ESYT1: variants seen among roughly 807,000 people sequenced by gnomAD.
ESYT1 encodes the protein extended synaptotagmin 1.
ESYT1 carries 116 observed loss-of-function variants against 154.2 expected under a neutral mutation model. That is an observed-to-expected ratio of 0.75 (90% CI 0.65 to 0.88). ESYT1 has a LOEUF of 0.88. Among genes scored for constraint, ESYT1 ranks in the 40% least tolerant of loss-of-function variants. ESYT1 has a pLI of 0.00. For missense variants in ESYT1, 1,264 were observed against 1,379.3 expected (o/e 0.92, Z 1.32); for synonymous variants, 500 against 539.9 (o/e 0.93, Z 1.02).
In ESYT1 at chr12:56,130,901, T is replaced by C; in HGVS notation, c.543T>C (p.Phe181=). ...ACCCCCATCTGCAAACATTTACATT[T>C]ACACGAGTGGAACTGGGTGAAAAGG... is the stretch of plus-strand genomic sequence containing the variant. ...GSNPHLQTFT[F]TRVELGEKPL... is the part of the protein sequence containing the mutation. The change falls in exon 3 of 31, where the codon TTT becomes TTC. Residue 181 remains phenylalanine (F), a synonymous_variant. Coordinates refer to ENST00000394048, the MANE Select transcript of ESYT1 (RefSeq NM_015292.3). 3 of 1,614,200 alleles carry C rather than the reference T, an allele frequency of 1.9e-6. No individual in the cohort carries two copies. The highest frequency in any genetic ancestry group is 2.5e-6 in the Non-Finnish European group (3 of 1,180,030).
At chr12:56,136,060 CAAAA>C (rs72370981) in intron 15 of ESYT1, among the ~76,000 whole-genome samples, 5 of 45,756 alleles carry the variant, frequency 1.1e-4, no homozygotes, top group Non-Finnish European at 1.9e-4. Flanking sequence ...ACTCTGTCTC[CAAAA>C]AAAAAAAAAA....
At chr12:56,132,159 G>T in intron 7 of ESYT1, 50 bp from the exon 8 acceptor site, 1 of 1,613,592 alleles carries the variant, frequency 6.2e-7, no homozygotes, top group Non-Finnish European at 8.5e-7. Flanking sequence ...GGGGTTAGGA[G>T]AAAATTGGAA....
chr12:56,130,341 C>A, intron 1 of ESYT1: 3 of 595,296 alleles, frequency 5.0e-6, no homozygotes, highest in Non-Finnish European at 6.0e-6. Context: ...TTCACCACGT[C>A]CCTGAGCTAT....
intron 15 of ESYT1, among the ~76,000 whole-genome samples, 174 bp from the exon 16 acceptor site, chr12:56,136,570 G>T (rs1208152876): frequency 7.0e-6 from 1 of 143,398 alleles, no homozygotes; most frequent in Non-Finnish European, 1.5e-5. Flanking sequence ...CAGCATGGGC[G>T]ACAGAGTGAG....
At chr12:56,131,180 TC>T in intron 4 of ESYT1, 63 bp from the exon 5 acceptor site, 1 of 1,612,664 alleles carries the variant, frequency 6.2e-7, no homozygotes, top group South Asian at 1.1e-5. Context: ...GCTACTTCAC[TC>T]CCCCTCCCCG....
chr12:56,133,717 G>A (rs1870334799), intron 12 of ESYT1, 43 bp downstream of exon 12: 2 of 1,612,922 alleles, frequency 1.2e-6, no homozygotes, highest in Admixed American at 1.7e-5. Context: ...GGAGAAATAG[G>A]TAGCTGGAAG....
At chr12:56,132,890 G>A in intron 10 of ESYT1, 89 bp downstream of exon 10, 1 of 1,130,660 alleles carries the variant, frequency 8.8e-7, no homozygotes, top group Non-Finnish European at 1.3e-6. Context: ...GGAGGCTGAG[G>A]CGGGCGGATC....
In ESYT1 at chr12:56,137,275, G is replaced by T; in HGVS notation, c.1840G>T (p.Ala614Ser). 6.2e-7 allele frequency: 1 copy of T among 1,614,230 alleles called. No homozygotes were observed. The change falls in exon 17 of 31, where the codon GCT (alanine) becomes TCT (serine). Residue 614 changes from alanine to serine, a missense_variant. By Grantham distance (99) the Ala-to-Ser change is moderately conservative (BLOSUM62 1). Coordinates refer to ENST00000394048, the MANE Select transcript of ESYT1 (RefSeq NM_015292.3). ...CCCCACGGTGCCTGGTTGTCCTGGT[G>T]CTTGGGACGTGGACAGTGAGAATCC... ...CFPTVPGCPGAWDVDSENPQR... is the reference protein window; with the variant it reads ...CFPTVPGCPGSWDVDSENPQR...
At chr12:56,138,631 A>C (rs73125294) in intron 22 of ESYT1, 132 bp downstream of exon 22, 34,696 of 1,278,012 alleles carry the variant, frequency 0.027, 647 homozygotes, top group African/African-American at 0.078. Flanking sequence ...GGGGTGGGAA[A>C]AGTTGTCTGT....
Position 56,130,775 on chromosome 12 carries a change from C to T in ESYT1, c.433-16C>T. 1 of 1,613,672 alleles carries T rather than the reference C, an allele frequency of 6.2e-7. No homozygotes were observed. The highest frequency in any genetic ancestry group is 8.5e-7 in the Non-Finnish European group (1 of 1,179,928). ...GAAGACTGGACTCTCCTCTGACCAT[C>T]TCTCTTTCCTCCCAGATTGTGGCCC... On this transcript the variant is annotated splice_polypyrimidine_tract_variant and intron_variant, in intron 2 of 30. Transcript: ENST00000394048.
chr12:56,137,170 G>A (rs1306731619), intron 16 of ESYT1, 48 bp from the exon 17 acceptor site: 2 of 1,608,682 alleles, frequency 1.2e-6, no homozygotes, highest in African/African-American at 2.7e-5. Flanking sequence ...TTTGCCTGCT[G>A]GTGACGAGCT....
rs1327941268 is a variant in ESYT1, at chr12:56,128,289, G to C, written c.-31G>C. On this transcript the variant is annotated 5_prime_UTR_variant, in exon 1 of 31. Coordinates refer to ENST00000394048, the MANE Select transcript of ESYT1 (RefSeq NM_015292.3). ...ACTAGGCAACCTCCAGCCAGTCCCT[G>C]GGTCGGGCGGATCCTCCCAGAGGTG... 1 of 1,584,080 alleles carries C rather than the reference G, an allele frequency of 6.3e-7. No individual in the cohort carries two copies. Among genetic ancestry groups the C allele is most frequent in the Non-Finnish European group, 8.5e-7 (1 of 1,169,626 alleles).
rs754440919 is a variant in ESYT1 at position 56,132,520 on chromosome 12, G to C, written c.1084G>C (p.Val362Leu). Residue 362 changes from valine to leucine, a missense_variant, in exon 9 of 31, where the codon GTG becomes CTG. Coordinates refer to ENST00000394048, the MANE Select transcript of ESYT1 (RefSeq NM_015292.3). ...IEGKSDPYAL[V>L]RLGTQTFCSR... ...GGGCAAGTCAGACCCATATGCACTT[G>C]TGCGTTTGGGTACCCAGACATTCTG... 1.2e-5 allele frequency: 20 copies of C among 1,614,118 alleles called. No individual in the cohort carries two copies. The highest frequency in any genetic ancestry group is 1.7e-5 in the Non-Finnish European group (20 of 1,180,052).
Position 56,133,407 on chromosome 12 carries a change from C to T in ESYT1, c.1245-10C>T, listed in dbSNP as rs1203842291. On this transcript the variant is annotated splice_polypyrimidine_tract_variant and intron_variant, in intron 10 of 30. Transcript: ENST00000394048. ...TTCCTTTCACTACCCTCTCCCCCGC[C>T]AACCCTCAGAATGAAGCTGGATGTA... is the stretch of plus-strand genomic sequence containing the variant. The T allele has an allele frequency of 6.2e-7, 1 of 1,614,088 alleles. No individual in the cohort carries two copies. The highest frequency in any genetic ancestry group is 8.5e-7 in the Non-Finnish European group (1 of 1,180,050).
chr12:56,131,733 T>G lies in ESYT1; in HGVS notation c.805-16T>G. ...ACCCCATAGGATCTGTCCTGACCCCTGCTCTTTCCCTCCAGACCCTAGACA... is the reference window on the plus strand; with the variant it reads ...ACCCCATAGGATCTGTCCTGACCCCGGCTCTTTCCCTCCAGACCCTAGACA... On this transcript the variant is annotated splice_polypyrimidine_tract_variant and intron_variant, in intron 6 of 30. Coordinates refer to ENST00000394048, the MANE Select transcript of ESYT1 (RefSeq NM_015292.3). 3 of 1,613,808 alleles carry G rather than the reference T, an allele frequency of 1.9e-6. No individual in the cohort carries two copies. Among genetic ancestry groups the G allele is most frequent in the Non-Finnish European group, 2.5e-6 (3 of 1,179,872 alleles).
intron 1 of ESYT1, 163 bp from the exon 2 acceptor site, chr12:56,130,417 ACT>A (rs1870184514): frequency 2.6e-6 from 2 of 765,874 alleles, no homozygotes; most frequent in Non-Finnish European, 4.5e-6. Context: ...CAGCCCCCAA[ACT>A]CTGTGAGGAA....
Position 56,142,350 on chromosome 12 carries a change from T to G in ESYT1, c.2658T>G (p.Ala886=), listed in dbSNP as rs1449385600. Residue 886 remains alanine, a synonymous_variant, in exon 25 of 31, where the codon GCT becomes GCG. Transcript: ENST00000394048. This position sits in a 1 kb window ranked among gnomAD's most constrained non-coding sequence, Gnocchi z 4.1. ...TGCCCCTCTCAGAGCTCCTCGTGGC[T>G]GACCAGCTCTGCTTGGACCGCTGGT... is the stretch of plus-strand genomic sequence containing the variant. The part of the protein sequence containing the change: ...LSLPLSELLV[A]DQLCLDRWFT... 6.2e-7 allele frequency: 1 copy of G among 1,614,160 alleles called. No homozygotes were observed. The highest frequency in any genetic ancestry group is 2.2e-5 in the East Asian group (1 of 44,884).
At chr12:56,139,745 G>A (rs964860357) in intron 24 of ESYT1, among the ~76,000 whole-genome samples, 15 of 151,652 alleles carry the variant, frequency 9.9e-5, no homozygotes, top group Non-Finnish European at 1.9e-4. Flanking sequence ...ACATGCGCGT[G>A]CCACCATACC....
chr12:56,131,670 C>T, intron 6 of ESYT1, 79 bp from the exon 7 acceptor site: 4 of 1,604,060 alleles, frequency 2.5e-6, no homozygotes, highest in Admixed American at 3.3e-5. Flanking sequence ...GACAAGAAGG[C>T]CGAGGGGTTC....
Sources: gnomAD v4.1 joint callset for allele counts (sites outside exome capture counted in the v4.1 genomes callset) on GRCh38, gnomAD v4.1.1 for gene constraint, Gnocchi (gnomAD v3.1) non-coding constraint, MANE v1.5 for transcripts, NCBI Gene and HGNC (gene_info 2026-07-23, HGNC 2026-07-21) for gene names.